UBA6: variants seen among roughly 807,000 people sequenced by gnomAD.
UBA6 encodes ubiquitin-like modifier-activating enzyme 6.
A neutral mutation model predicts 148.3 loss-of-function variants in UBA6; 87 were observed. That is an observed-to-expected ratio of 0.59 (90% CI 0.49 to 0.70). The LOEUF is 0.70. UBA6 is among the 30% of genes least tolerant of loss of function. UBA6 has a pLI of 0.00. For missense variants in UBA6, 1,186 were observed against 1,241.2 expected, an observed-to-expected ratio of 0.96 and a Z score of 0.67; for synonymous variants, 376 against 401.0, an observed-to-expected ratio of 0.94 and a Z score of 0.75.
intron 9 of UBA6, 37 bp from the exon 10 acceptor site, chr4:67,665,329 GA>G (rs1729967402): frequency 1.6e-6 from 2 of 1,225,142 alleles, no homozygotes; most frequent in Non-Finnish European, 2.3e-6. Context: ...ATTACACAGG[GA>G]TATAGATATT....
At chr4:67,645,645 A>C (rs2109916522) in intron 16 of UBA6, among the ~76,000 whole-genome samples, 1 of 152,134 alleles carries the variant, frequency 6.6e-6, no homozygotes, top group East Asian at 1.9e-4. Context: ...TCCTTCATTT[A>C]GTGAGAAAAA....
chr4:67,651,522 G>A (rs1729553898), intron 13 of UBA6, among the ~76,000 whole-genome samples: 1 of 152,096 alleles, frequency 6.6e-6, no homozygotes. Flanking sequence ...TTTTTCAACA[G>A]TAAAATATAA....
intron 2 of UBA6, among the ~76,000 whole-genome samples, chr4:67,685,502 A>G (rs1290784956): frequency 6.6e-6 from 1 of 152,006 alleles, no homozygotes; most frequent in East Asian, 1.9e-4. Context: ...ACAAGTTCAG[A>G]TTTTTTTTAC....
In UBA6 at chr4:67,663,918, T is replaced by C; in HGVS notation, c.927A>G (p.Pro309=). ...FESLERQLKH[P]KCLIVDFSNP... ...TGCTAAAATCCACAATAAGGCACTT[T>C]GGATGTTTTAACTGCCTCTCCAGTG... is the stretch of plus-strand genomic sequence containing the variant. The change falls in exon 11 of 33, where the codon CCA becomes CCG. Residue 309 remains proline, a synonymous_variant. Transcript: ENST00000322244. 16 of 1,613,478 alleles carry C rather than the reference T, an allele frequency of 9.9e-6. No individual in the cohort carries two copies. Among genetic ancestry groups the C allele is most frequent in the Non-Finnish European group, 1.4e-5 (16 of 1,179,686 alleles).
At chr4:67,696,787 T>C (rs1242698755) in intron 1 of UBA6, 80 bp from the exon 2 acceptor site, 1 of 1,109,530 alleles carries the variant, frequency 9.0e-7, no homozygotes, top group Non-Finnish European at 1.3e-6. Context: ...GATTCACCAG[T>C]TACTAAAGGT....
intron 2 of UBA6, among the ~76,000 whole-genome samples, chr4:67,690,528 T>C (rs1730670083): frequency 6.6e-6 from 1 of 152,040 alleles, no homozygotes; most frequent in African/African-American, 2.4e-5. Context: ...AGAGAAAGTA[T>C]TTATAAACCA....
At chr4:67,695,889 T>C (rs1244450629) in intron 2 of UBA6, among the ~76,000 whole-genome samples, 1 of 152,184 alleles carries the variant, frequency 6.6e-6, no homozygotes, top group Non-Finnish European at 1.5e-5. Flanking sequence ...TGACTCTGCA[T>C]CTTTTTCTTT....
At chr4:67,639,968 T>G (rs988982864) in intron 18 of UBA6, among the ~76,000 whole-genome samples, 2 of 152,234 alleles carry the variant, frequency 1.3e-5, no homozygotes, top group African/African-American at 4.8e-5. Context: ...ACTACTGTAC[T>G]CTAAATATAA....
rs755863213 is a variant in UBA6 at position 67,668,546 on chromosome 4, C to T, written c.793+5G>A. ...TAAATGAATTAATAAAACACATTGA[C>T]TTACCCGTTATTTGTTGTATAGATC... On this transcript the variant is annotated splice_donor_5th_base_variant and intron_variant, in intron 9 of 32. Coordinates refer to ENST00000322244, the MANE Select transcript of UBA6 (RefSeq NM_018227.6). 1.2e-6 allele frequency: 2 copies of T among 1,607,592 alleles called. No homozygotes were observed. The highest frequency in any genetic ancestry group is 3.4e-5 in the Admixed American group (2 of 59,168).
In UBA6 at chr4:67,681,027, CT is replaced by C. The variant is rs200275615; in HGVS notation, c.258+535del. Among the ~76,000 whole-genome samples, 1,207 of 152,298 alleles carry C rather than the reference CT, an allele frequency of 7.9e-3. 16 individuals carry two copies. The highest frequency in any genetic ancestry group is 0.028 in the African/African-American group (1,153 of 41,558). On this transcript the variant is annotated intron_variant, in intron 4 of 32. Coordinates refer to ENST00000322244, the MANE Select transcript of UBA6 (RefSeq NM_018227.6). ...GCCCTGCTAATACCTTGACTGCAGC[CT>C]TGTAAGAGACTCCCAGAGAAACCCC...
At chr4:67,656,197 C>T (rs956056347) in intron 13 of UBA6, among the ~76,000 whole-genome samples, 2 of 152,184 alleles carry the variant, frequency 1.3e-5, no homozygotes, top group African/African-American at 4.8e-5. Flanking sequence ...ATGAGGCCAG[C>T]ATCCCCTGAT....
At chr4:67,696,473 A>G (rs910454181) in intron 2 of UBA6, among the ~76,000 whole-genome samples, 172 bp downstream of exon 2, 1 of 151,146 alleles carries the variant, frequency 6.6e-6, no homozygotes, top group African/African-American at 2.4e-5. Context: ...ATACATATAT[A>G]CACATATATA....
rs992852243 is a variant in UBA6, at chr4:67,613,281, A to C, written c.*5716T>G. On this transcript the variant is annotated 3_prime_UTR_variant, in exon 33 of 33. Coordinates refer to ENST00000322244, the MANE Select transcript of UBA6 (RefSeq NM_018227.6). ...CAAGTTATTTCTAGTTTTTTCAAAC[A>C]ATATTGGTAAATAATTAAAGGTAAC... 1.3e-5 allele frequency: 2 copies of C among 152,238 alleles called. No homozygotes were observed. The highest frequency in any genetic ancestry group is 4.8e-5 in the African/African-American group (2 of 41,470). 9.4% of individuals were successfully genotyped at this position (152,238 alleles called of 1,614,324 possible). A position where few individuals can be genotyped will look rare whatever the true frequency, so the allele number is the denominator to read the frequency against.
Position 67,665,177 on chromosome 4 carries a change from A to G in UBA6, c.897+12T>C. On this transcript the variant is annotated intron_variant, in intron 10 of 32. Transcript: ENST00000322244. ...AAAAAAATGTTTTTTAAGCCGAAAA[A>G]AAAATACTTACAAAAAAAACTGTTT... 6.6e-7 allele frequency: 1 copy of G among 1,521,066 alleles called. No homozygotes were observed. The highest frequency in any genetic ancestry group is 1.8e-4 in the Middle Eastern group (1 of 5,672). 94.2% of individuals were successfully genotyped at this position (1,521,066 alleles called of 1,614,324 possible). A position where few individuals can be genotyped will look rare whatever the true frequency, so the allele number is the denominator to read the frequency against.
intron 2 of UBA6, among the ~76,000 whole-genome samples, chr4:67,691,446 A>G (rs1023204053): frequency 6.6e-6 from 1 of 152,158 alleles, no homozygotes; most frequent in African/African-American, 2.4e-5. Context: ...TCCAGTTGCT[A>G]TTGTGGTGAG....
chr4:67,641,613 G>T lies in UBA6; in HGVS notation c.1477-385C>A, dbSNP rs189419628. Among the ~76,000 whole-genome samples, 464 of 151,998 alleles carry T rather than the reference G, an allele frequency of 3.1e-3. 5 individuals are homozygous for T. The highest frequency in any genetic ancestry group is 8.5e-3 in the African/African-American group (351 of 41,466). On this transcript the variant is annotated intron_variant, in intron 17 of 32. Coordinates refer to ENST00000322244, the MANE Select transcript of UBA6 (RefSeq NM_018227.6). ...ACTAATTTGGGAAGAATGCTTATAT[G>T]TATCAATTTGAAAGGAACTCTGGCT... is the stretch of plus-strand genomic sequence containing the variant.
At chr4:67,635,336 G>A (rs1258632816) in intron 20 of UBA6, 117 bp downstream of exon 20, 7 of 606,414 alleles carry the variant, frequency 1.2e-5, no homozygotes, top group African/African-American at 1.9e-5. Flanking sequence ...ACATATGTAT[G>A]AACATCATTG....
At chr4:67,678,656 G>C in intron 4 of UBA6, 123 bp from the exon 5 acceptor site, 1 of 460,768 alleles carries the variant, frequency 2.2e-6, no homozygotes, top group Non-Finnish European at 3.9e-6. Context: ...AGTAAACAAA[G>C]GCATAAGAAT....
intron 23 of UBA6, among the ~76,000 whole-genome samples, chr4:67,632,829 GT>G (rs113887101): frequency 1.3e-5 from 2 of 150,848 alleles, no homozygotes; most frequent in Admixed American, 1.3e-4. Flanking sequence ...CTGTTTTTTT[GT>G]TTTTTTTTAA....
Sources: allele counts gnomAD v4.1 joint callset (sites outside exome capture counted in the v4.1 genomes callset), GRCh38; gene constraint gnomAD v4.1.1; transcripts MANE v1.5; gene names NCBI Gene and HGNC (gene_info 2026-07-23, HGNC 2026-07-21).